PXMP4: variants seen among roughly 807,000 people sequenced by gnomAD.
PXMP4 encodes the protein 24 kDa peroxisomal intrinsic membrane protein.
Under a neutral mutation model 21.6 loss-of-function variants are expected in PXMP4, and 16 were observed. That is an observed-to-expected ratio of 0.74 (90% CI 0.50 to 1.13). PXMP4 has a LOEUF of 1.13. PXMP4 is among the 50% of genes most tolerant of loss of function. The pLI is 0.00. For missense variants in PXMP4, 240 were observed against 277.7 expected, an observed-to-expected ratio of 0.86 and a Z score of 0.96; for synonymous variants, 127 against 123.8, an observed-to-expected ratio of 1.03 and a Z score of -0.17.
rs1280398788 is a variant in PXMP4 at position 33,703,228 on chromosome 20, T to G, written c.*4478A>C. ...GGGGCAGGACAGGCTAAAAGCAGGG[T>G]GTGCTCAGTCCTCAGGGGCACACTT... On this transcript the variant is annotated 3_prime_UTR_variant, in exon 4 of 4. Coordinates refer to ENST00000409299, the MANE Select transcript of PXMP4 (RefSeq NM_007238.5). 1 of 152,204 alleles carries G rather than the reference T, an allele frequency of 6.6e-6. No individual in the cohort carries two copies. The highest frequency in any genetic ancestry group is 6.5e-5 in the Admixed American group (1 of 15,280). The allele number at this position is 152,204 out of a possible 1,614,324, so 9.4% of individuals were successfully genotyped here.
At chr20:33,718,292 C>G (rs905015197) in intron 1 of PXMP4, among the ~76,000 whole-genome samples, 2 of 152,106 alleles carry the variant, frequency 1.3e-5, no homozygotes, top group East Asian at 3.9e-4. Context: ...AGGCCGATCA[C>G]GAGGTCAGGA....
intron 1 of PXMP4, among the ~76,000 whole-genome samples, chr20:33,715,724 G>A (rs955494621): frequency 1.3e-5 from 2 of 148,150 alleles, no homozygotes; most frequent in South Asian, 2.2e-4. Context: ...ACTGTGCCCC[G>A]CCCCATAATT....
Position 33,707,642 on chromosome 20 carries a change from T to C in PXMP4, c.*64A>G. 6.4e-7 allele frequency: 1 copy of C among 1,564,604 alleles called. No homozygotes were observed. The highest frequency in any genetic ancestry group is 1.2e-5 in the South Asian group (1 of 85,838). ...GAGGCCTATGATCTTGAGAAGGCAG[T>C]ATCCTTTGGGAGGGTCTGCATGGGG... On this transcript the variant is annotated 3_prime_UTR_variant, in exon 4 of 4. Transcript: ENST00000409299.
Position 33,707,460 on chromosome 20 carries a change from A to C in PXMP4, c.*246T>G, listed in dbSNP as rs1601201733. 2 of 515,954 alleles carry C rather than the reference A, an allele frequency of 3.9e-6. No individual in the cohort carries two copies. Among genetic ancestry groups the C allele is most frequent in the South Asian group, 2.3e-5 (1 of 43,990 alleles). 32.0% of individuals were successfully genotyped at this position (515,954 alleles called of 1,614,324 possible). Reference sequence around the variant, plus strand: ...CCTAGAGAGTAGTGTGGCTGGCCCCAGTCTCACAGAAGTCAGCTGCACAGC... The same window carrying C: ...CCTAGAGAGTAGTGTGGCTGGCCCCCGTCTCACAGAAGTCAGCTGCACAGC... On this transcript the variant is annotated 3_prime_UTR_variant, in exon 4 of 4. Transcript: ENST00000409299.
Position 33,720,109 on chromosome 20 carries a change from G to A in PXMP4, c.99C>T (p.Phe33=). The change falls in exon 1 of 4, where the codon TTC becomes TTT. Residue 33 remains phenylalanine (F), a synonymous_variant. Transcript: ENST00000409299. ...GCCCCACTCACACAGCCCCGTTCCG[G>A]AAGCCCTTAAGCACGGCCAACGCAG... ...YHAALAVLKG[F]RNGAVYGAKI... The A allele has an allele frequency of 1.2e-6, 2 of 1,613,642 alleles. No individual in the cohort carries two copies. The highest frequency in any genetic ancestry group is 2.2e-5 in the South Asian group (2 of 91,078).
intron 2 of PXMP4, among the ~76,000 whole-genome samples, chr20:33,714,255 C>T (rs892401706): frequency 1.3e-5 from 2 of 152,010 alleles, no homozygotes; most frequent in Admixed American, 6.6e-5. Flanking sequence ...ACTTTAGGGC[C>T]GGGCACGGTG....
Position 33,703,335 on chromosome 20 carries a change from A to G in PXMP4, c.*4371T>C, listed in dbSNP as rs962114611. On this transcript the variant is annotated 3_prime_UTR_variant, in exon 4 of 4. Transcript: ENST00000409299. ...TGTGTCATATTCTTTAACCCTCCAC[A>G]CCACTCGATGAGGTGTGTGCTACGA... The G allele has an allele frequency of 1.2e-4, 19 of 152,222 alleles. No individual in the cohort carries two copies. The highest frequency in any genetic ancestry group is 4.6e-4 in the African/African-American group (19 of 41,450). 9.4% of individuals were successfully genotyped at this position (152,222 alleles called of 1,614,324 possible). A position where few individuals can be genotyped will look rare whatever the true frequency, so the allele number is the denominator to read the frequency against.
chr20:33,717,250 G>A (rs984713702), intron 1 of PXMP4, among the ~76,000 whole-genome samples: 2 of 152,092 alleles, frequency 1.3e-5, no homozygotes, highest in Admixed American at 6.6e-5. Flanking sequence ...CCACTGCACT[G>A]GAGGAATATA....
intron 3 of PXMP4, among the ~76,000 whole-genome samples, chr20:33,709,158 G>A (rs2018295226): frequency 6.6e-6 from 1 of 152,154 alleles, no homozygotes; most frequent in Admixed American, 6.5e-5. Flanking sequence ...AGCTGGTATG[G>A]TGGCAGGCGC....
chr20:33,712,000 T>G (rs2018332117), intron 2 of PXMP4, among the ~76,000 whole-genome samples: 1 of 143,900 alleles, frequency 6.9e-6, no homozygotes, highest in African/African-American at 2.6e-5. Flanking sequence ...AAAAAAAAAA[T>G]CACTAGGGGG....
intron 2 of PXMP4, among the ~76,000 whole-genome samples, chr20:33,712,881 G>A (rs1033937389): frequency 6.6e-6 from 1 of 152,094 alleles, no homozygotes; most frequent in East Asian, 1.9e-4. Context: ...TGCCTGCCTC[G>A]GCTTCCCAAA....
In PXMP4 at chr20:33,710,599, C is replaced by T. The variant is rs1357950410; in HGVS notation, c.331G>A (p.Gly111Arg). The change falls in exon 3 of 4, where the codon GGG becomes AGG. Residue 111 changes from glycine to arginine, a missense_variant. By Grantham distance (125) the Gly-to-Arg change is moderately radical. Coordinates refer to ENST00000409299, the MANE Select transcript of PXMP4 (RefSeq NM_007238.5). ...PAHAFLAAFL[G>R]GILVFGENNN... ...TTTTCTCCAAACACCAGGATACCCC[C>T]GAGGAAGGCCGCCAGGAATGCGTGT... is the stretch of plus-strand genomic sequence containing the variant. 1 of 1,613,536 alleles carries T rather than the reference C, an allele frequency of 6.2e-7. No individual in the cohort carries two copies. The highest frequency in any genetic ancestry group is 1.7e-5 in the Admixed American group (1 of 59,960).
rs762734613 is a variant in PXMP4, at chr20:33,720,070, A to AGCCCG, written c.113+20_113+24dup. The AGCCCG allele has an allele frequency of 3.7e-5, 59 of 1,608,106 alleles. No individual in the cohort carries two copies. The South Asian group carries it at 6.3e-4, about 17-fold the overall frequency. On this transcript the variant is annotated intron_variant, in intron 1 of 3. Transcript: ENST00000409299. Reference sequence around the variant, plus strand: ...CCCAGGCAGGACATCCCTCAGCCCCAGCCCGGCCCGACGGCCCCACTCACA... The same window carrying AGCCCG: ...CCCAGGCAGGACATCCCTCAGCCCCAGCCCGGCCCGGCCCGACGGCCCCACTCACA...
chr20:33,710,530 A>G, intron 3 of PXMP4, 25 bp downstream of exon 3: 1 of 1,348,466 alleles, frequency 7.4e-7, no homozygotes, highest in Non-Finnish European at 9.8e-7. Flanking sequence ...CCCCTTCACT[A>G]CCCCCATCTC....
Position 33,706,690 on chromosome 20 carries a change from G to A in PXMP4, c.*1016C>T, listed in dbSNP as rs566902948. 1 of 152,106 alleles carries A rather than the reference G, an allele frequency of 6.6e-6. No homozygotes were observed. Among genetic ancestry groups the A allele is most frequent in the Non-Finnish European group, 1.5e-5 (1 of 68,024 alleles). The allele number at this position is 152,106 out of a possible 1,614,324, so 9.4% of individuals were successfully genotyped here. A position where few individuals can be genotyped will look rare whatever the true frequency, so the allele number is the denominator to read the frequency against. On this transcript the variant is annotated 3_prime_UTR_variant, in exon 4 of 4. Transcript: ENST00000409299. ...CACTGTCCACTAGAATAATCTGTGA[G>A]GATACAAGTGTTCCATATCTGTGTT... is the stretch of plus-strand genomic sequence containing the variant.
chr20:33,717,639 C>CAAAA (rs10666719), intron 1 of PXMP4, among the ~76,000 whole-genome samples: 102 of 56,528 alleles, frequency 1.8e-3, no homozygotes, highest in East Asian at 3.9e-3. Flanking sequence ...GACTCCGTCT[C>CAAAA]AAAAAAAAAA....
intron 1 of PXMP4, among the ~76,000 whole-genome samples, chr20:33,718,629 T>C (rs2018411856): frequency 1.3e-5 from 2 of 151,682 alleles, no homozygotes; most frequent in African/African-American, 2.4e-5. Flanking sequence ...TACCTGACTC[T>C]TGAGTGTCCA....
chr20:33,711,204 C>T (rs73093443), intron 2 of PXMP4, among the ~76,000 whole-genome samples: 3,857 of 152,154 alleles, frequency 0.025, 96 homozygotes, highest in Non-Finnish European at 0.032. Context: ...TGTGGGGGTA[C>T]GATTCTGAGA....
Position 33,708,045 on chromosome 20 carries a change from GTTTCA to G in PXMP4, c.376-81_376-77del, listed in dbSNP as rs1030302327. 273 of 1,468,056 alleles carry G rather than the reference GTTTCA, an allele frequency of 1.9e-4. No individual in the cohort carries two copies. In the African/African-American group the frequency reaches 3.5e-3, roughly 19 times the overall value. 90.9% of individuals were successfully genotyped at this position (1,468,056 alleles called of 1,614,324 possible). A position where few individuals can be genotyped will look rare whatever the true frequency, so the allele number is the denominator to read the frequency against. On this transcript the variant is annotated intron_variant, in intron 3 of 3. Coordinates refer to ENST00000409299, the MANE Select transcript of PXMP4 (RefSeq NM_007238.5). The stretch of plus-strand genomic sequence containing the variant: ...CTTTTGTTTTTGATATTAATAATTT[GTTTCA>G]TTTCTCTTTTTTTCTTAGAGAGCCT...
Sources: allele counts gnomAD v4.1 joint callset (sites outside exome capture counted in the v4.1 genomes callset), GRCh38; gene constraint gnomAD v4.1.1; transcripts MANE v1.5; gene names NCBI Gene and HGNC (gene_info 2026-07-23, HGNC 2026-07-21).